Variants in RASEF observed in about 807,000 individuals in gnomAD.
The protein encoded by RASEF is ras and EF-hand domain-containing protein.
Under a neutral mutation model 90.1 loss-of-function variants are expected in RASEF, and 68 were observed. That is an observed-to-expected ratio of 0.75 (90% CI 0.62 to 0.92). The LOEUF (loss-of-function observed/expected upper bound fraction) is 0.92, where lower values mean the gene tolerates loss of function less well. RASEF is among the 40% of genes least tolerant of loss of function. The pLI, the probability that RASEF is intolerant of heterozygous loss-of-function variation, is 0.00. For missense variants in RASEF, 949 were observed against 937.2 expected, an observed-to-expected ratio of 1.01 and a Z score of -0.16; for synonymous variants, 331 against 345.2, an observed-to-expected ratio of 0.96 and a Z score of 0.46.
At chr9:83,172,589 T>C in the RASEF span, among the ~76,000 whole-genome samples, 341 of 151,950 alleles carry the variant, frequency 2.2e-3, 2 homozygotes, top group South Asian at 1.9e-3. Context: ...ATTATAGCTA[T>C]AGCAAATTAT....
chr9:83,169,350 T>C, the RASEF span, among the ~76,000 whole-genome samples: 1 of 145,994 alleles, frequency 6.8e-6, no homozygotes, highest in African/African-American at 2.5e-5. Flanking sequence ...CTGATTTCCA[T>C]ACACACACAC....
At chr9:83,103,370 T>C in the RASEF span, among the ~76,000 whole-genome samples, 1 of 152,202 alleles carries the variant, frequency 6.6e-6, no homozygotes, top group African/African-American at 2.4e-5. Context: ...TGTTAGTATT[T>C]ATAGTTATTT....
chr9:83,025,717 A>G, intron 2 of RASEF, 58 bp downstream of exon 2: 1 of 1,555,716 alleles, frequency 6.4e-7, no homozygotes, highest in East Asian at 2.3e-5. Flanking sequence ...TTTGCCACCC[A>G]GGTCAGAGAG....
chr9:83,058,699 T>C (rs1196793946), intron 1 of RASEF, among the ~76,000 whole-genome samples: 4 of 152,318 alleles, frequency 2.6e-5, no homozygotes, highest in Admixed American at 2.6e-4. Flanking sequence ...CTACTTGTTT[T>C]TAAAAATTTC....
intron 1 of RASEF, among the ~76,000 whole-genome samples, chr9:83,029,935 C>G (rs1829615895): frequency 6.6e-6 from 1 of 152,174 alleles, no homozygotes; most frequent in Non-Finnish European, 1.5e-5. Context: ...AGAAAAATCT[C>G]TACTCTTAGA....
chr9:83,213,096 A>T, the RASEF span, among the ~76,000 whole-genome samples: 2 of 150,980 alleles, frequency 1.3e-5, no homozygotes, highest in African/African-American at 2.4e-5. Context: ...CACGTTTTAA[A>T]AAAAAAAAAA....
chr9:83,038,515 T>G (rs1406674038), intron 1 of RASEF, among the ~76,000 whole-genome samples: 1 of 152,170 alleles, frequency 6.6e-6, no homozygotes, highest in African/African-American at 2.4e-5. Flanking sequence ...CGAAGATGTA[T>G]TCTTCAGAAA....
In RASEF at chr9:83,048,470, T is replaced by C. The variant is rs76062644; in HGVS notation, c.431+13967A>G. 3.5e-3 allele frequency: 3,422 copies of C among 985,266 alleles called. 93 individuals carry two copies. The African/African-American group carries it at 0.056, about 16-fold the overall frequency. The allele number at this position is 985,266 out of a possible 1,614,324, so 61.0% of individuals were successfully genotyped here. A position where few individuals can be genotyped will look rare whatever the true frequency, so the allele number is the denominator to read the frequency against. On this transcript the variant is annotated intron_variant, in intron 1 of 16. Transcript: ENST00000376447. ...GAAACCAGCCAAGCAACTTGGACTT[T>C]TGGCAGGAGACTATTTCTAAGTACT...
chr9:83,015,707 G>A (rs1587496709), intron 4 of RASEF, 98 bp downstream of exon 4: 10 of 872,110 alleles, frequency 1.1e-5, no homozygotes, highest in South Asian at 2.7e-5. Flanking sequence ...TGATCTATCC[G>A]CCACTTCAAT....
chr9:83,092,367 T>C, the RASEF span, among the ~76,000 whole-genome samples: 1 of 152,130 alleles, frequency 6.6e-6, no homozygotes. Context: ...AGGTGGCGCA[T>C]CTGGAGTTTG....
At chr9:83,036,577 C>A (rs1224876836) in intron 1 of RASEF, among the ~76,000 whole-genome samples, 8 of 152,150 alleles carry the variant, frequency 5.3e-5, no homozygotes, top group Admixed American at 4.6e-4. Flanking sequence ...GTAAACTCTT[C>A]TGGCAGCAAC....
Position 83,031,948 on chromosome 9 carries a change from CAT to C in RASEF, c.432-6029_432-6028del, listed in dbSNP as rs1829655166. ...TCTGGGGTATGCCAAGAGACTGTAA[CAT>C]AACACTCTTGGCAATTCTCACACCT... is the stretch of plus-strand genomic sequence containing the variant. On this transcript the variant is annotated intron_variant, in intron 1 of 16. Transcript: ENST00000376447. 2.0e-5 allele frequency among the ~76,000 whole-genome samples: 3 copies of C among 152,164 alleles called. No individual in the cohort carries two copies. In the South Asian group the frequency reaches 6.2e-4, roughly 32 times the overall value.
At chr9:83,171,286 A>G in the RASEF span, among the ~76,000 whole-genome samples, 1 of 151,808 alleles carries the variant, frequency 6.6e-6, no homozygotes, top group Non-Finnish European at 1.5e-5. Context: ...CCCACTTGAT[A>G]ATAATGAATA....
At chr9:83,104,522 A>T in the RASEF span, among the ~76,000 whole-genome samples, 1 of 152,318 alleles carries the variant, frequency 6.6e-6, no homozygotes, top group East Asian at 1.9e-4. Flanking sequence ...CAGAGCACTC[A>T]ATAACCAATG....
At chr9:83,200,099 G>T in the RASEF span, among the ~76,000 whole-genome samples, 1 of 152,214 alleles carries the variant, frequency 6.6e-6, no homozygotes, top group Non-Finnish European at 1.5e-5. Context: ...TCCTTCTAAA[G>T]GCCGGGCGCG....
chr9:82,990,647 C>T (rs902504387), intron 15 of RASEF, among the ~76,000 whole-genome samples, 180 bp from the exon 16 acceptor site: 1 of 152,124 alleles, frequency 6.6e-6, no homozygotes. Context: ...AGCATAGTTA[C>T]TCCAGGAAAA....
chr9:83,044,570 T>C (rs1240777302), intron 1 of RASEF, among the ~76,000 whole-genome samples: 1 of 152,190 alleles, frequency 6.6e-6, no homozygotes, highest in Non-Finnish European at 1.5e-5. Flanking sequence ...GTGGAGTGTT[T>C]AGGCATTTGG....
intron 1 of RASEF, among the ~76,000 whole-genome samples, chr9:83,027,126 G>C (rs1304521039): frequency 2.0e-5 from 3 of 152,194 alleles, no homozygotes; most frequent in African/African-American, 7.2e-5. Context: ...CCAAATGGAA[G>C]AGATGCTTTG....
the RASEF span, among the ~76,000 whole-genome samples, chr9:83,170,441 A>AAT: frequency 1.4e-4 from 21 of 151,850 alleles, no homozygotes; most frequent in Middle Eastern, 6.8e-3. Flanking sequence ...CAGATTTAAA[A>AAT]ATATATATAT....
Sources: allele counts gnomAD v4.1 joint callset (sites outside exome capture counted in the v4.1 genomes callset), GRCh38; gene constraint gnomAD v4.1.1; transcripts MANE v1.5; gene names NCBI Gene and HGNC (gene_info 2026-07-23, HGNC 2026-07-21).